The following TBXT variants were observed in gnomAD, a reference collection of about 807,000 sequenced individuals.
TBXT encodes T-box transcription factor T, also known as T brachyury transcription factor.
A neutral mutation model predicts 41.1 loss-of-function variants in TBXT; 19 were observed. That is an observed-to-expected ratio of 0.46 (90% CI 0.32 to 0.68). The LOEUF is 0.68. Among genes scored for constraint, TBXT ranks in the 30% least tolerant of loss-of-function variants. The probability of loss-of-function intolerance (pLI) is 0.03; values close to 1 mark genes in which losing one functional copy is unlikely to be tolerated. For synonymous variants in TBXT, 213 were observed against 238.9 expected (o/e 0.89, Z 1.00); for missense variants, 536 against 582.0 (o/e 0.92, Z 0.81).
In TBXT at chr6:166,164,668, T is replaced by C; in HGVS notation, c.669-2A>G. 3.1e-6 allele frequency: 5 copies of C among 1,613,084 alleles called. No individual in the cohort carries two copies. Among genetic ancestry groups the C allele is most frequent in the Non-Finnish European group, 4.2e-6 (5 of 1,179,832 alleles). ...TCCATCATCTCTTTGTGATCACTTCTATCAAAATGAAAAAAAAAAAGTATA... is the reference window on the plus strand; with the variant it reads ...TCCATCATCTCTTTGTGATCACTTCCATCAAAATGAAAAAAAAAAAGTATA... On this transcript the variant is annotated splice_acceptor_variant, in intron 4 of 7. Coordinates refer to ENST00000366876, the MANE Select transcript of TBXT (RefSeq NM_001366285.2). LOFTEE classifies it high-confidence loss of function.
At chr6:166,165,683 C>T in intron 3 of TBXT, 23 bp downstream of exon 3, 1 of 1,613,346 alleles carries the variant, frequency 6.2e-7, no homozygotes. Flanking sequence ...ACCGGGAAAG[C>T]GATCCGCCTC....
In TBXT at chr6:166,158,412, G is replaced by T. The variant is rs761554301; in HGVS notation, c.1214C>A (p.Ala405Glu). Residue 405 changes from alanine (A) to glutamate (E), a missense_variant, in exon 8 of 8, where the codon GCG becomes GAG. By Grantham distance (107) the Ala-to-Glu change is moderately radical (BLOSUM62 -1). Coordinates refer to ENST00000366876, the MANE Select transcript of TBXT (RefSeq NM_001366285.2). Reference sequence around the variant, plus strand: ...GTCCACGATGTCTGTGGCCGCGGCCGCCCCTTCGTACAGTGGGGATCCCGA... The same window carrying T: ...GTCCACGATGTCTGTGGCCGCGGCCTCCCCTTCGTACAGTGGGGATCCCGA... ...SSSGSPLYEG[A>E]AAATDIVDSQ... The T allele has an allele frequency of 2.0e-5, 32 of 1,614,080 alleles. No individual in the cohort carries two copies. The highest frequency in any genetic ancestry group is 5.0e-5 in the Admixed American group (3 of 60,008).
At chr6:166,167,910 C>T (rs1467036143), upstream of TBXT, 1 of 449,096 alleles carries the variant, frequency 2.2e-6, no homozygotes, top group Non-Finnish European at 4.1e-6. Context: ...CGCTGGGGTG[C>T]TCGGCGGATT....
In TBXT at chr6:166,161,067, A is replaced by G. The variant is rs566339987; in HGVS notation, c.908-101T>C. The G allele has an allele frequency of 4.8e-6, 7 of 1,464,382 alleles. No individual in the cohort carries two copies. In the African/African-American group the frequency reaches 8.3e-5, roughly 17 times the overall value. 90.7% of individuals were successfully genotyped at this position (1,464,382 alleles called of 1,614,324 possible). On this transcript the variant is annotated intron_variant, in intron 6 of 7. Coordinates refer to ENST00000366876, the MANE Select transcript of TBXT (RefSeq NM_001366285.2). ...AATAACTGAAGCTACGTAACACTGA[A>G]AACAAAATGTACATGGGATATTAAC...
chr6:166,160,696 A>C, intron 7 of TBXT, 141 bp downstream of exon 7: 2 of 1,218,974 alleles, frequency 1.6e-6, no homozygotes, highest in Non-Finnish European at 2.3e-6. Context: ...ATAGCTGGCT[A>C]ATAAAGAATT....
At position 166,162,482 on chromosome 6, in the gene TBXT, T is replaced by G. The variant is rs1275548997; in HGVS notation, c.872A>C (p.Tyr291Ser). Residue 291 changes from tyrosine to serine, a missense_variant, in exon 6 of 8, where the codon TAC becomes TCC. Tyr to Ser is a moderately radical substitution (Grantham distance 144, BLOSUM62 -2). Coordinates refer to ENST00000366876, the MANE Select transcript of TBXT (RefSeq NM_001366285.2). Reference protein sequence around the residue: ...PTLRSHRSSPYPSPYAHRNNS... With the variant: ...PTLRSHRSSPSPSPYAHRNNS... ...GTTCCGATGAGCATAGGGGCTGGGG[T>G]AGGGTGAGGACCGGTGGCTCCTCAG... 6.2e-7 allele frequency: 1 copy of G among 1,613,538 alleles called. No homozygotes were observed. Among genetic ancestry groups the G allele is most frequent in the Non-Finnish European group, 8.5e-7 (1 of 1,179,916 alleles).
intron 6 of TBXT, 89 bp from the exon 7 acceptor site, chr6:166,161,055 A>G: frequency 6.5e-7 from 1 of 1,537,186 alleles, no homozygotes. Flanking sequence ...AACTGAAGCT[A>G]CGTAACACTG....
rs150042774 is a variant in TBXT, at chr6:166,166,131, G to A, written c.472-291C>T. 1.6e-3 allele frequency among the ~76,000 whole-genome samples: 248 copies of A among 152,318 alleles called. 1 individual carries two copies. In the Middle Eastern group the frequency reaches 0.027, roughly 17 times the overall value. On this transcript the variant is annotated intron_variant, in intron 2 of 7. Coordinates refer to ENST00000366876, the MANE Select transcript of TBXT (RefSeq NM_001366285.2). ...TACTAAGGCTTTCAGGAAGGCTATG[G>A]TCATTTTTAAAAGACTGAGCTTGTT...
At position 166,164,653 on chromosome 6, in the gene TBXT, C is replaced by G; in HGVS notation, c.682G>C (p.Glu228Gln). 6.2e-7 allele frequency: 1 copy of G among 1,613,844 alleles called. No individual in the cohort carries two copies. Among genetic ancestry groups the G allele is most frequent in the Non-Finnish European group, 8.5e-7 (1 of 1,180,008 alleles). ...LDAKERSDHKEMMEEPGDSQQ... is the reference protein window; with the variant it reads ...LDAKERSDHKQMMEEPGDSQQ... ...CTGTCTCCGGGTTCCTCCATCATCT[C>G]TTTGTGATCACTTCTATCAAAATGA... The change falls in exon 5 of 8, where the codon GAG (glutamate) becomes CAG (glutamine). Residue 228 changes from glutamate to glutamine, a missense_variant. Coordinates refer to ENST00000366876, the MANE Select transcript of TBXT (RefSeq NM_001366285.2).
chr6:166,164,555 G>A (rs370740850), intron 5 of TBXT, 50 bp downstream of exon 5: 1 of 1,604,520 alleles, frequency 6.2e-7, no homozygotes, highest in Non-Finnish European at 8.5e-7. Context: ...CTCTCAGCAA[G>A]TCTAGTCCCG....
chr6:166,158,534 C>G lies in TBXT; in HGVS notation c.1092G>C (p.Gln364His). 2 of 1,601,180 alleles carry G rather than the reference C, an allele frequency of 1.2e-6. No individual in the cohort carries two copies. Among genetic ancestry groups the G allele is most frequent in the Non-Finnish European group, 1.7e-6 (2 of 1,170,504 alleles). The change falls in exon 8 of 8, where the codon CAG becomes CAC. Residue 364 changes from glutamine to histidine, a missense_variant. By Grantham distance (24) the Gln-to-His change is conservative (BLOSUM62 0). Coordinates refer to ENST00000366876, the MANE Select transcript of TBXT (RefSeq NM_001366285.2). ...VSNGAVTPGS[Q>H]AAAVSNGLGA... ...CCAGCCCGTTGGACACGGCTGCTGC[C>G]TGGGAGCCCGGGGTGACGGCGCCGT...
rs1003427883 is a variant in TBXT at position 166,158,472 on chromosome 6, G to A, written c.1154C>T (p.Thr385Ile). Residue 385 changes from threonine (T) to isoleucine (I), a missense_variant, in exon 8 of 8, where the codon ACA becomes ATA. Physicochemically the swap from Thr to Ile is moderately conservative, Grantham distance 89 (BLOSUM62 -1). Transcript: ENST00000366876. ...CGCCGAGACCGGATGGGTGAGGGGT[G>A]TGTAGTGCGCGGGGGAGCCCCGGAA... ...QFFRGSPAHY[T>I]PLTHPVSAPS... 1 of 1,613,834 alleles carries A rather than the reference G, an allele frequency of 6.2e-7. No homozygotes were observed. Among genetic ancestry groups the A allele is most frequent in the Non-Finnish European group, 8.5e-7 (1 of 1,179,954 alleles).
rs1342319269 is a variant in TBXT at position 166,164,703 on chromosome 6, C to CA, written c.669-38dup. The CA allele has an allele frequency of 6.2e-6, 10 of 1,612,414 alleles. No homozygotes were observed. The Admixed American group carries it at 8.3e-5, about 13-fold the overall frequency. On this transcript the variant is annotated intron_variant, in intron 4 of 7. Transcript: ENST00000366876. ...AAAAAAAAAAAGTATATCGAATTTT[C>CA]AAAAATAAGGAAATTCAGAAAAGAG...
In TBXT at chr6:166,158,547, G is replaced by A; in HGVS notation, c.1079C>T (p.Thr360Ile). 6.3e-7 allele frequency: 1 copy of A among 1,594,560 alleles called. No individual in the cohort carries two copies. Among genetic ancestry groups the A allele is most frequent in the East Asian group, 2.3e-5 (1 of 44,354 alleles). Reference sequence around the variant, plus strand: ...CACGGCTGCTGCCTGGGAGCCCGGGGTGACGGCGCCGTTGCTCACAGACCA... The same window carrying A: ...CACGGCTGCTGCCTGGGAGCCCGGGATGACGGCGCCGTTGCTCACAGACCA... ...SLWSVSNGAVTPGSQAAAVSN... is the reference protein window; with the variant it reads ...SLWSVSNGAVIPGSQAAAVSN... The change falls in exon 8 of 8, where the codon ACC becomes ATC. Residue 360 changes from threonine to isoleucine, a missense_variant. Physicochemically the swap from Thr to Ile is moderately conservative, Grantham distance 89 (BLOSUM62 -1). Transcript: ENST00000366876.
chr6:166,168,255 G>A (rs1471257733), upstream of TBXT: 1 of 148,318 alleles, frequency 6.7e-6, no homozygotes, highest in Non-Finnish European at 1.5e-5. Context: ...ATTCCCGCGC[G>A]GGGTCCTCCT....
Position 166,161,056 on chromosome 6 carries a change from C to T in TBXT, c.908-90G>A, listed in dbSNP as rs935967655. On this transcript the variant is annotated intron_variant, in intron 6 of 7. Coordinates refer to ENST00000366876, the MANE Select transcript of TBXT (RefSeq NM_001366285.2). Reference sequence around the variant, plus strand: ...GAAATACCACCAATAACTGAAGCTACGTAACACTGAAAACAAAATGTACAT... The same window carrying T: ...GAAATACCACCAATAACTGAAGCTATGTAACACTGAAAACAAAATGTACAT... The T allele has an allele frequency of 2.9e-5, 45 of 1,529,876 alleles. No homozygotes were observed. The East Asian group carries it at 5.0e-4, about 17-fold the overall frequency. 94.8% of individuals were successfully genotyped at this position (1,529,876 alleles called of 1,614,324 possible).
Position 166,162,620 on chromosome 6 carries a change from C to T in TBXT, c.734G>A (p.Gly245Glu), listed in dbSNP as rs769691133. The change falls in exon 6 of 8, where the codon GGG (glycine) becomes GAG (glutamate). Residue 245 changes from glycine to glutamate, a missense_variant. Transcript: ENST00000366876. ...DSQQPGYSQSGGWLLPGTSTL... is the reference protein window; with the variant it reads ...DSQQPGYSQSEGWLLPGTSTL... ...GCTGGTTCCAGGAAGAAGCCACCCCCCTGCTGTGAGAAAAGACAGTGCTGA... is the reference window on the plus strand; with the variant it reads ...GCTGGTTCCAGGAAGAAGCCACCCCTCTGCTGTGAGAAAAGACAGTGCTGA... The T allele has an allele frequency of 3.7e-6, 6 of 1,610,860 alleles. No homozygotes were observed. The South Asian group carries it at 5.5e-5, about 15-fold the overall frequency.
In TBXT at chr6:166,160,961, A is replaced by C. The variant is rs1236844210; in HGVS notation, c.913T>G (p.Ser305Ala). Residue 305 changes from serine to alanine, a missense_variant, in exon 7 of 8, where the codon TCT becomes GCT. By Grantham distance (99) the Ser-to-Ala change is moderately conservative. Transcript: ENST00000366876. ...GATAAACATGCAGGTGAGTTGTCAG[A>C]ATAGGCTAAGGGGGGAAGGTAACAA... ...YAHRNNSPTY[S>A]DNSPACLSML... 4 of 1,614,038 alleles carry C rather than the reference A, an allele frequency of 2.5e-6. No homozygotes were observed. In the Admixed American group the frequency reaches 6.7e-5, roughly 27 times the overall value.
At position 166,165,819 on chromosome 6, in the gene TBXT, T is replaced by C; in HGVS notation, c.493A>G (p.Lys165Glu). ...GGQIMLNSLH[K>E]YEPRIHIVRV... is the part of the protein sequence containing the mutation. ...ACTATGTGGATTCGAGGCTCATACT[T>C]ATGCAAGGAGTTCAGCATGATCTGA... The change falls in exon 3 of 8, where the codon AAG becomes GAG. Residue 165 changes from lysine to glutamate, a missense_variant. Lys to Glu is a moderately conservative substitution (Grantham distance 56, BLOSUM62 1). Transcript: ENST00000366876. The C allele has an allele frequency of 6.2e-7, 1 of 1,614,188 alleles. No individual in the cohort carries two copies.
Sources: gnomAD v4.1 joint callset for allele counts (sites outside exome capture counted in the v4.1 genomes callset) on GRCh38, gnomAD v4.1.1 for gene constraint, MANE v1.5 for transcripts, NCBI Gene and HGNC (gene_info 2026-07-23, HGNC 2026-07-21) for gene names.